Variants in ZPBP observed in about 807,000 individuals in gnomAD.
The protein encoded by ZPBP is zona pellucida binding protein.
A neutral mutation model predicts 44.8 loss-of-function variants in ZPBP; 26 were observed. The observed-to-expected ratio is 0.58, with a 90% CI of 0.43 to 0.81. The LOEUF is 0.81. Ranked by LOEUF, ZPBP falls within the 30% of genes least tolerant of loss-of-function variation. The probability of loss-of-function intolerance (pLI) is 0.00; values close to 1 mark genes in which losing one functional copy is unlikely to be tolerated. For synonymous variants in ZPBP, 174 were observed against 153.2 expected (o/e 1.14, Z -1.00); for missense variants, 409 against 434.0 (o/e 0.94, Z 0.51).
At chr7:50,035,016 C>T (rs1273176012) in intron 4 of ZPBP, among the ~76,000 whole-genome samples, 1 of 152,214 alleles carries the variant, frequency 6.6e-6, no homozygotes, top group African/African-American at 2.4e-5. Flanking sequence ...ACCAATCCTT[C>T]CTTACTGGAG....
chr7:49,908,746 A>G (rs1389735936), intron 1 of ZPBP, among the ~76,000 whole-genome samples: 1 of 152,196 alleles, frequency 6.6e-6, no homozygotes, highest in East Asian at 1.9e-4. Context: ...TTAGTTTAGA[A>G]ATGAAAGAAG....
chr7:49,853,875 C>G (rs1314177904), intron 2 of ZPBP, among the ~76,000 whole-genome samples: 2 of 133,564 alleles, frequency 1.5e-5, no homozygotes, highest in African/African-American at 5.6e-5. Context: ...TCCCCCCACC[C>G]CACAACAGGC....
chr7:50,072,179 T>C (rs2128843309), intron 3 of ZPBP, among the ~76,000 whole-genome samples: 2 of 152,266 alleles, frequency 1.3e-5, no homozygotes, highest in Middle Eastern at 6.8e-3. Context: ...CCAGGAAGCA[T>C]GGGCCTTAAG....
At chr7:50,062,342 A>G (rs1012412886) in intron 3 of ZPBP, among the ~76,000 whole-genome samples, 1 of 152,224 alleles carries the variant, frequency 6.6e-6, no homozygotes, top group Non-Finnish European at 1.5e-5. Flanking sequence ...CTCATATGGA[A>G]CCAAACAAGA....
chr7:49,993,077 T>C (rs1797637604), intron 6 of ZPBP, among the ~76,000 whole-genome samples: 1 of 152,108 alleles, frequency 6.6e-6, no homozygotes, highest in Admixed American at 6.6e-5. Flanking sequence ...TGCTGCCTGG[T>C]ACATATGTTA....
At chr7:49,867,834 TA>T (rs1790970471) in intron 2 of ZPBP, among the ~76,000 whole-genome samples, 2 of 80,812 alleles carry the variant, frequency 2.5e-5, no homozygotes, top group South Asian at 6.5e-4. Context: ...TTTATTTTAT[TA>T]TTTTATTTTA....
intron 7 of ZPBP, chr7:49,943,336 G>T: frequency 3.3e-6 from 1 of 300,234 alleles, no homozygotes; most frequent in Non-Finnish European, 6.5e-6. Flanking sequence ...CCTCAGAAGA[G>T]TATACCAAAC....
intron 7 of ZPBP, among the ~76,000 whole-genome samples, chr7:49,941,068 T>C (rs1794861326): frequency 6.6e-6 from 1 of 152,030 alleles, no homozygotes; most frequent in African/African-American, 2.4e-5. Context: ...TCACTAAGCG[T>C]AAGAGAAAAA....
At chr7:49,909,403 G>A (rs558709560) in intron 1 of ZPBP, among the ~76,000 whole-genome samples, 8 of 152,260 alleles carry the variant, frequency 5.3e-5, no homozygotes, top group East Asian at 1.9e-4. Flanking sequence ...GGCACCATCC[G>A]AATGGTCACT....
At chr7:49,967,955 T>C (rs947819115) in intron 7 of ZPBP, among the ~76,000 whole-genome samples, 7 of 152,174 alleles carry the variant, frequency 4.6e-5, no homozygotes, top group African/African-American at 1.4e-4. Flanking sequence ...CTGAAAAATG[T>C]ATGTTCAAAT....
chr7:50,093,216 C>T lies in ZPBP; in HGVS notation c.-22G>A, dbSNP rs1803090923. 2 of 1,505,430 alleles carry T rather than the reference C, an allele frequency of 1.3e-6. No homozygotes were observed. The highest frequency in any genetic ancestry group is 2.6e-5 in the East Asian group (1 of 37,884). The allele number at this position is 1,505,430 out of a possible 1,614,324, so 93.3% of individuals were successfully genotyped here. A position where few individuals can be genotyped will look rare whatever the true frequency, so the allele number is the denominator to read the frequency against. On this transcript the variant is annotated 5_prime_UTR_variant, in exon 1 of 8. Transcript: ENST00000046087. ...CCATCCACACGCCGCCGTCGCCTGCCCACCGTCCGCGCGGAAGGTCGTTAG... is the reference window on the plus strand; with the variant it reads ...CCATCCACACGCCGCCGTCGCCTGCTCACCGTCCGCGCGGAAGGTCGTTAG...
intron 4 of ZPBP, among the ~76,000 whole-genome samples, chr7:50,044,405 T>C (rs1398814512): frequency 6.6e-6 from 1 of 151,706 alleles, no homozygotes; most frequent in African/African-American, 2.4e-5. Flanking sequence ...ATTAACAAAA[T>C]AGATAGACTG....
At chr7:50,002,721 T>C (rs556171708) in intron 6 of ZPBP, among the ~76,000 whole-genome samples, 8 of 152,318 alleles carry the variant, frequency 5.3e-5, no homozygotes, top group Admixed American at 5.2e-4. Context: ...AAGTAAGGAA[T>C]AATTAGATCT....
chr7:50,018,905 T>C (rs1347553889), intron 5 of ZPBP, among the ~76,000 whole-genome samples: 1 of 151,964 alleles, frequency 6.6e-6, no homozygotes, highest in African/African-American at 2.4e-5. Flanking sequence ...GATACATAAG[T>C]GAACAAAATC....
At chr7:49,908,061 A>C (rs1793203047) in intron 1 of ZPBP, among the ~76,000 whole-genome samples, 1 of 152,218 alleles carries the variant, frequency 6.6e-6, no homozygotes, top group Admixed American at 6.5e-5. Flanking sequence ...AAAATATGTC[A>C]AAGAAATATA....
At chr7:49,984,892 T>TA (rs1314497707) in intron 6 of ZPBP, among the ~76,000 whole-genome samples, 1 of 152,174 alleles carries the variant, frequency 6.6e-6, no homozygotes, top group East Asian at 1.9e-4. Context: ...GTCATTTTGT[T>TA]ATAATGTTGA....
At chr7:49,960,031 T>C (rs1175412509) in intron 7 of ZPBP, among the ~76,000 whole-genome samples, 2 of 152,166 alleles carry the variant, frequency 1.3e-5, no homozygotes, top group Non-Finnish European at 2.9e-5. Flanking sequence ...GATATCTTTA[T>C]GGTAAAAAAT....
chr7:50,065,157 T>A (rs562323106), intron 3 of ZPBP, among the ~76,000 whole-genome samples: 3 of 152,196 alleles, frequency 2.0e-5, no homozygotes, highest in African/African-American at 7.2e-5. Flanking sequence ...TCCTATTTTT[T>A]AATTTTTATC....
At chr7:50,061,559 G>A (rs1175417259) in intron 3 of ZPBP, among the ~76,000 whole-genome samples, 1 of 152,054 alleles carries the variant, frequency 6.6e-6, no homozygotes, top group African/African-American at 2.4e-5. Context: ...AAATTAGCCA[G>A]GCATAGTGGT....
Sources: allele counts gnomAD v4.1 joint callset (sites outside exome capture counted in the v4.1 genomes callset), GRCh38; gene constraint gnomAD v4.1.1; transcripts MANE v1.5; gene names NCBI Gene and HGNC (gene_info 2026-07-23, HGNC 2026-07-21).